Variants in FAM83F observed in about 807,000 individuals in gnomAD.
FAM83F encodes the protein protein FAM83F.
A neutral mutation model predicts 42.9 loss-of-function variants in FAM83F; 45 were observed. The observed-to-expected ratio is 1.05, with a 90% CI of 0.83 to 1.35. The LOEUF is 1.35. FAM83F is among the 40% of genes most tolerant of loss of function. FAM83F has a pLI of 0.00. For synonymous variants in FAM83F, 306 were observed against 298.3 expected (o/e 1.03, Z -0.27); for missense variants, 617 against 695.9 (o/e 0.89, Z 1.28).
At chr22:40,004,328 G>A (rs61353615) in intron 1 of FAM83F, among the ~76,000 whole-genome samples, 9,429 of 100,870 alleles carry the variant, frequency 0.093, 990 homozygotes, top group African/African-American at 0.27. Context: ...CTGAGAGGGA[G>A]TCTTGCTCTG....
At chr22:40,022,759 G>A (rs1426991099) in intron 4 of FAM83F, among the ~76,000 whole-genome samples, 3 of 152,136 alleles carry the variant, frequency 2.0e-5, no homozygotes, top group African/African-American at 2.4e-5. Context: ...TCCATGGTGG[G>A]GTTTCTCCCT....
chr22:40,028,988 C>A (rs1265912771), intron 4 of FAM83F, among the ~76,000 whole-genome samples: 1 of 152,004 alleles, frequency 6.6e-6, no homozygotes, highest in East Asian at 1.9e-4. Context: ...TGCGGCAGCC[C>A]GGGAGGGGAA....
Position 40,021,726 on chromosome 22 carries a change from C to T in FAM83F, c.1216C>T (p.His406Tyr). 2 of 1,613,046 alleles carry T rather than the reference C, an allele frequency of 1.2e-6. No individual in the cohort carries two copies. Among genetic ancestry groups the T allele is most frequent in the Non-Finnish European group, 8.5e-7 (1 of 1,179,896 alleles). Residue 406 changes from histidine (H) to tyrosine (Y), a missense_variant, in exon 4 of 5, where the codon CAC (histidine) becomes TAC (tyrosine). Physicochemically the swap from His to Tyr is moderately conservative, Grantham distance 83. Transcript: ENST00000333407. This position sits in a 1 kb window ranked among gnomAD's most constrained non-coding sequence, Gnocchi z 8.7. ...LSQKDGRMVS[H>Y]MHRDLKPKSR... ...CCAGAAGGATGGCAGGATGGTCTCT[C>T]ACATGCACAGAGACCTGAAGCCCAA...
rs199839917 is a variant in FAM83F, at chr22:40,021,350, C to T, written c.840C>T (p.Asn280=). The change falls in exon 4 of 5, where the codon AAC becomes AAT. Residue 280 remains asparagine (N), a synonymous_variant. Transcript: ENST00000333407. The surrounding 1 kb of genome is among the most constrained non-coding windows in gnomAD (Gnocchi z 8.7). The part of the protein sequence containing the change: ...RNLLLLLTGQ[N]VEPFDTEFRE... ...TCCTCCTGCTCCTGACAGGACAGAA[C>T]GTAGAGCCCTTTGACACGGAGTTCC... 5.8e-4 allele frequency: 937 copies of T among 1,605,648 alleles called. 12 individuals are homozygous for T. In the South Asian group the frequency reaches 9.6e-3, roughly 17 times the overall value.
Position 40,015,854 on chromosome 22 carries a change from C to T in FAM83F, c.490-3314C>T, listed in dbSNP as rs147199920. Among the ~76,000 whole-genome samples the T allele has an allele frequency of 4.6e-3, 704 of 152,314 alleles. 1 individual carries two copies. The highest frequency in any genetic ancestry group is 7.3e-3 in the Non-Finnish European group (498 of 68,036). On this transcript the variant is annotated intron_variant, in intron 1 of 4. Coordinates refer to ENST00000333407, the MANE Select transcript of FAM83F (RefSeq NM_138435.4). ...ATTTTGTGCAAAGGTCTTGTCATTC[C>T]ACTTGGATTAACCCCTTGAAATCAG...
intron 1 of FAM83F, among the ~76,000 whole-genome samples, chr22:40,008,323 C>A (rs1205327806): frequency 6.6e-6 from 1 of 152,222 alleles, no homozygotes; most frequent in Non-Finnish European, 1.5e-5. Context: ...TTCTCGCCCC[C>A]TCTCCTGAAG....
In FAM83F at chr22:40,030,697, G is replaced by A. The variant is rs1252832382; in HGVS notation, c.*1132G>A. The A allele has an allele frequency of 6.6e-6, 1 of 152,350 alleles. No homozygotes were observed. The highest frequency in any genetic ancestry group is 1.5e-5 in the Non-Finnish European group (1 of 68,148). 9.4% of individuals were successfully genotyped at this position (152,350 alleles called of 1,614,324 possible). ...ACTTGGGTGACTGGAGAGGGCCGAG[G>A]AGAGTTTGTGAATGGACCTGGGAGA... is the stretch of plus-strand genomic sequence containing the variant. On this transcript the variant is annotated 3_prime_UTR_variant, in exon 5 of 5. Transcript: ENST00000333407.
At chr22:40,014,141 T>TTC (rs962890435) in intron 1 of FAM83F, among the ~76,000 whole-genome samples, 3 of 147,664 alleles carry the variant, frequency 2.0e-5, no homozygotes, top group Non-Finnish European at 3.0e-5. Flanking sequence ...CTTTTTTTTT[T>TTC]TTTTTTTGTC....
chr22:40,017,123 T>C (rs2067496444), intron 1 of FAM83F, among the ~76,000 whole-genome samples: 1 of 152,082 alleles, frequency 6.6e-6, no homozygotes, highest in Non-Finnish European at 1.5e-5. Flanking sequence ...CAGGAGTCTT[T>C]AGAGTCAGGG....
rs932065915 is a variant in FAM83F at position 39,998,614 on chromosome 22, G to A, written c.489+3083G>A. The stretch of plus-strand genomic sequence containing the variant: ...GGCCTTTGAGGAGGTCTGGCTGAGC[G>A]GCCTGTACCCTGGGCCTCTGCAAAT... On this transcript the variant is annotated intron_variant, in intron 1 of 4. Transcript: ENST00000333407. 8.5e-5 allele frequency among the ~76,000 whole-genome samples: 13 copies of A among 152,108 alleles called. No homozygotes were observed. The East Asian group carries it at 1.9e-3, about 23-fold the overall frequency.
Position 40,021,814 on chromosome 22 carries a change from C to T in FAM83F, c.1304C>T (p.Ala435Val). 1 of 1,612,668 alleles carries T rather than the reference C, an allele frequency of 6.2e-7. No homozygotes were observed. Among genetic ancestry groups the T allele is most frequent in the Non-Finnish European group, 8.5e-7 (1 of 1,179,710 alleles). ...GEAARGEAAP[A>V]RRFSSRLFSR... Reference sequence around the variant, plus strand: ...GCGGCCCGGGGGGAGGCCGCCCCCGCCAGGCGCTTCAGCAGCAGGCTCTTC... The same window carrying T: ...GCGGCCCGGGGGGAGGCCGCCCCCGTCAGGCGCTTCAGCAGCAGGCTCTTC... Residue 435 changes from alanine (A) to valine (V), a missense_variant, in exon 4 of 5, where the codon GCC (alanine) becomes GTC (valine). Transcript: ENST00000333407. This position sits in a 1 kb window ranked among gnomAD's most constrained non-coding sequence, Gnocchi z 8.7.
rs2067661752 is a variant in FAM83F at position 40,043,493 on chromosome 22, C to A, written c.*13928C>A. 6.6e-6 allele frequency: 1 copy of A among 152,200 alleles called. No individual in the cohort carries two copies. The highest frequency in any genetic ancestry group is 6.5e-5 in the Admixed American group (1 of 15,286). 9.4% of individuals were successfully genotyped at this position (152,200 alleles called of 1,614,324 possible). A position where few individuals can be genotyped will look rare whatever the true frequency, so the allele number is the denominator to read the frequency against. On this transcript the variant is annotated 3_prime_UTR_variant, in exon 5 of 5. Transcript: ENST00000333407. The stretch of plus-strand genomic sequence containing the variant: ...TGGAAGATTTCCAGGAGCTGAAGGG[C>A]TGTTCTCTTTGCATGCAATAAATTA...
intron 1 of FAM83F, among the ~76,000 whole-genome samples, chr22:40,003,148 C>T (rs2067410554): frequency 6.6e-6 from 1 of 152,190 alleles, no homozygotes; most frequent in African/African-American, 2.4e-5. Flanking sequence ...CAACTGCCAG[C>T]TGGTCCACTC....
intron 4 of FAM83F, among the ~76,000 whole-genome samples, chr22:40,022,357 A>G (rs967222957): frequency 6.6e-6 from 1 of 152,230 alleles, no homozygotes; most frequent in Non-Finnish European, 1.5e-5. Flanking sequence ...GGCTCTGCAC[A>G]GTGGGGTGCA....
At chr22:40,022,230 T>G (rs1232243516) in intron 4 of FAM83F, among the ~76,000 whole-genome samples, 1 of 152,226 alleles carries the variant, frequency 6.6e-6, no homozygotes, top group Non-Finnish European at 1.5e-5. Context: ...AGGCTTGGCA[T>G]GGAGGGGTCT....
At chr22:40,013,970 A>G (rs1304646119) in intron 1 of FAM83F, among the ~76,000 whole-genome samples, 1 of 151,396 alleles carries the variant, frequency 6.6e-6, no homozygotes, top group Non-Finnish European at 1.5e-5. Flanking sequence ...GAAGAAGGCT[A>G]TTGGTTTTTG....
At chr22:39,997,559 A>G (rs2067378031) in intron 1 of FAM83F, among the ~76,000 whole-genome samples, 1 of 152,182 alleles carries the variant, frequency 6.6e-6, no homozygotes, top group East Asian at 1.9e-4. Flanking sequence ...CTCTGCTGGA[A>G]AGAAAAGAGT....
At chr22:40,013,112 G>C (rs1601767294) in intron 1 of FAM83F, among the ~76,000 whole-genome samples, 2 of 127,896 alleles carry the variant, frequency 1.6e-5, no homozygotes, top group South Asian at 2.5e-4. Flanking sequence ...AAAAAAGACT[G>C]CTCCTTTTTA....
rs3752470 is a variant in FAM83F, at chr22:40,029,970, G to A, written c.*405G>A. 38,222 of 170,868 alleles carry A rather than the reference G, an allele frequency of 0.22. 4,990 individuals carry two copies. The highest frequency in any genetic ancestry group is 0.29 in the Non-Finnish European group (23,261 of 78,902). 10.6% of individuals were successfully genotyped at this position (170,868 alleles called of 1,614,324 possible). On this transcript the variant is annotated 3_prime_UTR_variant, in exon 5 of 5. Coordinates refer to ENST00000333407, the MANE Select transcript of FAM83F (RefSeq NM_138435.4). ...TTTCCCAGGCTTCCTGGTGCTTCTG[G>A]TTCCCCACGCCACTCCCCACCCAAG...
Sources: allele counts gnomAD v4.1 joint callset (sites outside exome capture counted in the v4.1 genomes callset), GRCh38; gene constraint gnomAD v4.1.1; non-coding constraint Gnocchi (gnomAD v3.1); transcripts MANE v1.5; gene names NCBI Gene and HGNC (gene_info 2026-07-23, HGNC 2026-07-21).